The following DOCK8 variants were observed in gnomAD, a reference collection of about 807,000 sequenced individuals.
DOCK8 encodes the protein dedicator of cytokinesis protein 8.
DOCK8 carries 141 observed loss-of-function variants against 245.6 expected under a neutral mutation model. The observed-to-expected ratio is 0.57, with a 90% CI of 0.50 to 0.66. The LOEUF is 0.66. Ranked by LOEUF, DOCK8 falls within the 30% of genes least tolerant of loss-of-function variation. DOCK8 has a pLI of 0.00. For missense variants in DOCK8, 2,965 were observed against 2,603.4 expected (o/e 1.14, Z -3.02); for synonymous variants, 1,168 against 970.2 (o/e 1.20, Z -3.79).
At chr9:462,113 T>G (rs569531668) in intron 46 of DOCK8, among the ~76,000 whole-genome samples, 1 of 152,308 alleles carries the variant, frequency 6.6e-6, no homozygotes, top group East Asian at 1.9e-4. Context: ...TAGTTTTCCC[T>G]CGTGGTGGTT....
intron 1 of DOCK8, among the ~76,000 whole-genome samples, chr9:221,033 G>A (rs756760645): frequency 1.4e-4 from 21 of 152,154 alleles, no homozygotes; most frequent in Non-Finnish European, 2.5e-4. Context: ...CTGTGCTTCT[G>A]GAGTTGGCAC....
chr9:426,792 G>C (rs1453472740), intron 33 of DOCK8, 93 bp from the exon 34 acceptor site: 5 of 979,306 alleles, frequency 5.1e-6, no homozygotes. Context: ...GACTATTTTG[G>C]AGATTTCTTT....
At chr9:400,706 A>T (rs1276191918) in intron 26 of DOCK8, among the ~76,000 whole-genome samples, 169 of 99,446 alleles carry the variant, frequency 1.7e-3, no homozygotes, top group Non-Finnish European at 2.4e-3. Context: ...CACCACCACC[A>T]CCTCCACCAT....
rs1564017193 is a variant in DOCK8, at chr9:400,995, C to CACTACCTCCTCCACCAT, written c.3234+1736_3234+1737insACTACCTCCTCCACCAT. Reference sequence around the variant, plus strand: ...TCCACCATCACCACCTCCTCCACCACCACCACCATTAGCTCCACCATGACC... The same window carrying CACTACCTCCTCCACCAT: ...TCCACCATCACCACCTCCTCCACCACACTACCTCCTCCACCATCACCACCATTAGCTCCACCATGACC... On this transcript the variant is annotated intron_variant, in intron 26 of 47. Coordinates refer to ENST00000432829, the MANE Select transcript of DOCK8 (RefSeq NM_203447.4). Among the ~76,000 whole-genome samples, 4 of 54,636 alleles carry CACTACCTCCTCCACCAT rather than the reference C, an allele frequency of 7.3e-5. No homozygotes were observed. In the African/African-American group the frequency reaches 9.0e-4, roughly 12 times the overall value. 35.8% of individuals were successfully genotyped at this position (54,636 alleles called of 152,430 possible).
At chr9:270,430 A>G (rs978795701) in intron 1 of DOCK8, among the ~76,000 whole-genome samples, 1 of 152,214 alleles carries the variant, frequency 6.6e-6, no homozygotes, top group African/African-American at 2.4e-5. Context: ...AGTGCACAGC[A>G]TGAGTGTTGG....
intron 18 of DOCK8, among the ~76,000 whole-genome samples, chr9:373,428 C>G (rs2053385579): frequency 6.6e-6 from 1 of 152,126 alleles, no homozygotes; most frequent in African/African-American, 2.4e-5. Context: ...AATATTCAGT[C>G]ACTGATCAAA....
At chr9:214,710 G>C, upstream of DOCK8, 1 of 1,550,538 alleles carries the variant, frequency 6.4e-7, no homozygotes, top group African/African-American at 1.4e-5. Flanking sequence ...AGTATCGGGA[G>C]GCCAGTTCCG....
chr9:316,303 ACTT>A (rs141974874), intron 6 of DOCK8, among the ~76,000 whole-genome samples: 4,794 of 152,304 alleles, frequency 0.031, 111 homozygotes, highest in Non-Finnish European at 0.049. Context: ...GATTTGCACT[ACTT>A]ATTTTTGCAT....
At chr9:258,116 G>C (rs2047824640) in intron 1 of DOCK8, among the ~76,000 whole-genome samples, 1 of 152,022 alleles carries the variant, frequency 6.6e-6, no homozygotes, top group African/African-American at 2.4e-5. Context: ...ATTTAACAAA[G>C]CAAACTCACA....
chr9:411,463 A>G (rs1355356470), intron 28 of DOCK8, among the ~76,000 whole-genome samples: 2 of 152,072 alleles, frequency 1.3e-5, no homozygotes, highest in East Asian at 3.8e-4. Context: ...ACTTCCTACA[A>G]TAAAAGCTCA....
chr9:238,357 A>G (rs898906869), intron 1 of DOCK8, among the ~76,000 whole-genome samples: 1 of 152,264 alleles, frequency 6.6e-6, no homozygotes, highest in South Asian at 2.1e-4. Flanking sequence ...AAACATCTGT[A>G]AAATGGGAAT....
intron 23 of DOCK8, among the ~76,000 whole-genome samples, chr9:387,286 T>TA (rs1303392456): frequency 6.6e-6 from 1 of 151,786 alleles, no homozygotes; most frequent in African/African-American, 2.4e-5. Flanking sequence ...CTACTAAAGA[T>TA]ACAAAAACTA....
intron 1 of DOCK8, among the ~76,000 whole-genome samples, chr9:240,218 A>G (rs977495004): frequency 1.3e-5 from 2 of 152,180 alleles, no homozygotes; most frequent in Non-Finnish European, 2.9e-5. Flanking sequence ...TTTGTATTCA[A>G]ATAAGTACAA....
At chr9:398,359 C>T (rs1459404993) in intron 25 of DOCK8, among the ~76,000 whole-genome samples, 1 of 152,188 alleles carries the variant, frequency 6.6e-6, no homozygotes. Context: ...GACTGGTCAG[C>T]ATGGCCTGAA....
intron 5 of DOCK8, among the ~76,000 whole-genome samples, chr9:308,078 G>C (rs1563904514): frequency 6.6e-6 from 1 of 152,208 alleles, no homozygotes; most frequent in Non-Finnish European, 1.5e-5. Context: ...GGAATAGAGA[G>C]GTTGGTTAAC....
chr9:458,589 C>T (rs36021710), intron 46 of DOCK8, among the ~76,000 whole-genome samples: 8,618 of 152,226 alleles, frequency 0.057, 282 homozygotes, highest in Middle Eastern at 0.085. Context: ...GTGGGCGGAT[C>T]ACTTGAGCTC....
At chr9:216,246 G>T (rs2046748278) in intron 1 of DOCK8, among the ~76,000 whole-genome samples, 1 of 152,096 alleles carries the variant, frequency 6.6e-6, no homozygotes, top group Non-Finnish European at 1.5e-5. Flanking sequence ...AAGGCATAAA[G>T]AGGCTGGGTG....
At chr9:406,903 A>G (rs1564025313) in intron 27 of DOCK8, 27 bp from the exon 28 acceptor site, 6 of 1,613,934 alleles carry the variant, frequency 3.7e-6, no homozygotes, top group African/African-American at 1.3e-5. Context: ...CTTGTGGCTC[A>G]TAAAATGGCT....
In DOCK8 at chr9:244,236, G is replaced by A. The variant is rs187135193; in HGVS notation, c.54-27391G>A. On this transcript the variant is annotated intron_variant, in intron 1 of 47. Coordinates refer to ENST00000432829, the MANE Select transcript of DOCK8 (RefSeq NM_203447.4). ...TTTAGCTCTCAAAGTTTTCCTCCAT[G>A]TTCCATGAAAATACACTTTACAATC... Among the ~76,000 whole-genome samples, 21 of 147,494 alleles carry A rather than the reference G, an allele frequency of 1.4e-4. No individual in the cohort carries two copies. The East Asian group carries it at 3.8e-3, about 26-fold the overall frequency.
Sources: gnomAD v4.1 joint callset for allele counts (sites outside exome capture counted in the v4.1 genomes callset) on GRCh38, gnomAD v4.1.1 for gene constraint, MANE v1.5 for transcripts, NCBI Gene and HGNC (gene_info 2026-07-23, HGNC 2026-07-21) for gene names.